PLA2G4A: variants seen among roughly 807,000 people sequenced by gnomAD.
The protein encoded by PLA2G4A is cytosolic phospholipase A2.
PLA2G4A carries 40 observed loss-of-function variants against 81.9 expected under a neutral mutation model. The ratio of observed to expected loss-of-function variants is 0.49; its 90% CI spans 0.38 to 0.64. PLA2G4A has a LOEUF of 0.64. Among genes scored for constraint, PLA2G4A ranks in the 30% least tolerant of loss-of-function variants. The probability of loss-of-function intolerance (pLI) is 0.00; values close to 1 mark genes in which losing one functional copy is unlikely to be tolerated. For synonymous variants in PLA2G4A, 302 were observed against 296.9 expected (o/e 1.02, Z -0.18); for missense variants, 715 against 905.1 (o/e 0.79, Z 2.69).
At chr1:186,930,851 T>A (rs1655717046) in intron 7 of PLA2G4A, among the ~76,000 whole-genome samples, 1 of 152,214 alleles carries the variant, frequency 6.6e-6, no homozygotes, top group South Asian at 2.1e-4. Flanking sequence ...CCAAATTGCA[T>A]ACCCTTTCCT....
At chr1:186,950,889 T>C (rs1403449702) in intron 13 of PLA2G4A, among the ~76,000 whole-genome samples, 161 bp downstream of exon 13, 1 of 152,236 alleles carries the variant, frequency 6.6e-6, no homozygotes, top group East Asian at 1.9e-4. Flanking sequence ...ATGTTGCATG[T>C]CTAATAAAAT....
intron 8 of PLA2G4A, among the ~76,000 whole-genome samples, chr1:186,933,167 A>C (rs1278012302): frequency 6.6e-6 from 1 of 152,184 alleles, no homozygotes; most frequent in Non-Finnish European, 1.5e-5. Context: ...GACTAATTGA[A>C]AATAGTTCTA....
chr1:186,862,799 A>C (rs1235559595), intron 2 of PLA2G4A, among the ~76,000 whole-genome samples: 1 of 152,160 alleles, frequency 6.6e-6, no homozygotes, highest in Non-Finnish European at 1.5e-5. Flanking sequence ...TCAAATGTAC[A>C]TGCTACTTCA....
chr1:186,829,183 C>A (rs970358008), intron 1 of PLA2G4A, 148 bp downstream of exon 1: 1 of 152,260 alleles, frequency 6.6e-6, no homozygotes, highest in African/African-American at 2.4e-5. Context: ...AGCATGTCCT[C>A]TGCCTTTTGA....
intron 17 of PLA2G4A, among the ~76,000 whole-genome samples, chr1:186,984,124 A>T (rs1315224680): frequency 6.6e-6 from 1 of 152,168 alleles, no homozygotes; most frequent in Non-Finnish European, 1.5e-5. Flanking sequence ...AATATGCAGT[A>T]CAATTTTCAT....
At chr1:186,939,946 T>C (rs1656089684) in intron 9 of PLA2G4A, 34 bp from the exon 10 acceptor site, 1 of 963,680 alleles carries the variant, frequency 1.0e-6, no homozygotes, top group African/African-American at 1.6e-5. Flanking sequence ...TGTTTATAAA[T>C]TTAAAGTCAT....
intron 7 of PLA2G4A, 139 bp downstream of exon 7, chr1:186,911,528 T>C: frequency 1.4e-6 from 1 of 707,698 alleles, no homozygotes. Context: ...GGTAAGTGAT[T>C]TGTAAATGAA....
intron 3 of PLA2G4A, among the ~76,000 whole-genome samples, chr1:186,871,664 G>A (rs1489558896): frequency 6.6e-6 from 1 of 152,092 alleles, no homozygotes; most frequent in Non-Finnish European, 1.5e-5. Flanking sequence ...AACGGAGGTG[G>A]GGGCTGGAAG....
At chr1:186,943,431 G>T (rs779068582) in intron 10 of PLA2G4A, among the ~76,000 whole-genome samples, 2 of 152,108 alleles carry the variant, frequency 1.3e-5, no homozygotes, top group Non-Finnish European at 2.9e-5. Context: ...AGACACTTTA[G>T]AAGTACAAAT....
intron 3 of PLA2G4A, among the ~76,000 whole-genome samples, chr1:186,885,430 A>G (rs1653902287): frequency 6.6e-6 from 1 of 152,156 alleles, no homozygotes; most frequent in South Asian, 2.1e-4. Flanking sequence ...TTAAAATGCA[A>G]TAGAGGCTAT....
chr1:186,921,772 C>T (rs971874132), intron 7 of PLA2G4A, among the ~76,000 whole-genome samples: 5 of 152,068 alleles, frequency 3.3e-5, no homozygotes, highest in South Asian at 4.2e-4. Context: ...CGACTTCCCT[C>T]GGTGGGTGGA....
intron 3 of PLA2G4A, among the ~76,000 whole-genome samples, chr1:186,892,278 C>A (rs777571675): frequency 2.6e-5 from 4 of 151,726 alleles, no homozygotes; most frequent in African/African-American, 4.8e-5. Context: ...CTTTGGTGTG[C>A]AAAAAAGCTT....
chr1:186,871,645 A>C (rs1558385369), intron 3 of PLA2G4A, among the ~76,000 whole-genome samples: 2 of 152,102 alleles, frequency 1.3e-5, no homozygotes, highest in African/African-American at 4.8e-5. Context: ...ATATTACTAG[A>C]GAATAGATAA....
intron 1 of PLA2G4A, among the ~76,000 whole-genome samples, chr1:186,829,902 A>G (rs548861552): frequency 6.6e-6 from 1 of 152,326 alleles, no homozygotes; most frequent in East Asian, 1.9e-4. Context: ...GCAGATGGAG[A>G]GTATTAGAGG....
At chr1:186,948,688 C>G (rs1267556369) in intron 12 of PLA2G4A, among the ~76,000 whole-genome samples, 1 of 152,000 alleles carries the variant, frequency 6.6e-6, no homozygotes, top group African/African-American at 2.4e-5. Flanking sequence ...TGGCTAAAAG[C>G]CAAGGAAAAG....
chr1:186,949,481 C>T (rs1234327482), intron 12 of PLA2G4A, among the ~76,000 whole-genome samples: 2 of 151,980 alleles, frequency 1.3e-5, no homozygotes, highest in African/African-American at 4.8e-5. Flanking sequence ...ACTAGAAACA[C>T]ACCTAATGTA....
At chr1:186,880,125 C>A (rs1419944303) in intron 3 of PLA2G4A, among the ~76,000 whole-genome samples, 1 of 151,966 alleles carries the variant, frequency 6.6e-6, no homozygotes, top group Non-Finnish European at 1.5e-5. Context: ...TGTGCAGCAG[C>A]TTTGCCTGTG....
chr1:186,831,171 C>A (rs1309646981), intron 1 of PLA2G4A, among the ~76,000 whole-genome samples: 1 of 151,878 alleles, frequency 6.6e-6, no homozygotes, highest in Non-Finnish European at 1.5e-5. Context: ...TTAAAAACAC[C>A]TTTAAGAAGT....
chr1:186,915,077 C>A (rs1655091751), intron 7 of PLA2G4A, among the ~76,000 whole-genome samples: 1 of 152,136 alleles, frequency 6.6e-6, no homozygotes, highest in African/African-American at 2.4e-5. Context: ...TTTAAATCCT[C>A]CTAGTGCTGG....
Sources: gnomAD v4.1 joint callset for allele counts (sites outside exome capture counted in the v4.1 genomes callset) on GRCh38, gnomAD v4.1.1 for gene constraint, MANE v1.5 for transcripts, NCBI Gene and HGNC (gene_info 2026-07-23, HGNC 2026-07-21) for gene names.